Variants in GNAI1 observed in about 807,000 individuals in gnomAD.
The protein encoded by GNAI1 is guanine nucleotide-binding protein G(i) subunit alpha-1.
In GNAI1, 11 loss-of-function variants were observed where a neutral mutation model predicts 38.9. The ratio of observed to expected loss-of-function variants is 0.28; its 90% confidence interval spans 0.18 to 0.47. The LOEUF (loss-of-function observed/expected upper bound fraction) is 0.47, where lower values mean the gene tolerates loss of function less well. GNAI1 is among the 20% of genes least tolerant of loss of function. The pLI is 0.99. For missense variants in GNAI1, 317 were observed against 436.9 expected (o/e 0.73, Z 2.45); for synonymous variants, 166 against 145.1 (o/e 1.14, Z -1.04).
Position 80,221,551 on chromosome 7 carries a change from CTAAT to C in GNAI1, c.*4059_*4062del, listed in dbSNP as rs1789074340. On this transcript the variant is annotated 3_prime_UTR_variant, in exon 8 of 8. Transcript: ENST00000649796. ...ACTGGAAAATGAGAAAATGCAATCT[CTAAT>C]CAACTTGAGGACACTTCTGTCGTTT... Among the ~76,000 whole-genome samples, 3 of 150,590 alleles carry C rather than the reference CTAAT, an allele frequency of 2.0e-5. 1 individual carries two copies. In the South Asian group the frequency reaches 6.3e-4, roughly 31 times the overall value.
intron 1 of GNAI1, among the ~76,000 whole-genome samples, chr7:80,142,621 A>G (rs1787546560): frequency 1.3e-5 from 2 of 152,230 alleles, no homozygotes; most frequent in South Asian, 4.1e-4. Context: ...ATTGTTGGTT[A>G]AATTAATGGA....
At chr7:80,187,210 T>A (rs1178737427) in intron 1 of GNAI1, 1 of 1,158 alleles carries the variant, frequency 8.6e-4, no homozygotes, top group African/African-American at 3.0e-3. Context: ...TGTGTGTCTT[T>A]GTGTGTGTGT....
At chr7:80,153,687 G>GAA (rs1787767119) in intron 1 of GNAI1, among the ~76,000 whole-genome samples, 1 of 152,092 alleles carries the variant, frequency 6.6e-6, no homozygotes, top group Non-Finnish European at 1.5e-5. Flanking sequence ...TCATCAAGAA[G>GAA]GTTTACATCC....
chr7:80,196,490 T>C (rs777194428), intron 3 of GNAI1, among the ~76,000 whole-genome samples: 10 of 152,000 alleles, frequency 6.6e-5, no homozygotes, highest in Non-Finnish European at 1.0e-4. Context: ...TCACAAATTT[T>C]GCAAAGACCT....
At chr7:80,135,916 A>G in intron 1 of GNAI1, 2 of 985,398 alleles carry the variant, frequency 2.0e-6, no homozygotes, top group Non-Finnish European at 2.4e-6. Context: ...CTGTGGGGGC[A>G]TGGAAGCCAC....
intron 1 of GNAI1, among the ~76,000 whole-genome samples, chr7:80,162,521 A>T (rs1057134838): frequency 6.6e-6 from 1 of 152,232 alleles, no homozygotes; most frequent in East Asian, 1.9e-4. Context: ...GAACTATCCT[A>T]CATCTTTACG....
intron 1 of GNAI1, among the ~76,000 whole-genome samples, chr7:80,142,466 CCCTT>C (rs1353945655): frequency 2.0e-5 from 3 of 152,264 alleles, no homozygotes; most frequent in Non-Finnish European, 2.9e-5. Flanking sequence ...TCCTTCGTCT[CCCTT>C]CCTACTAATA....
chr7:80,141,036 C>G (rs1043541214), intron 1 of GNAI1, among the ~76,000 whole-genome samples: 1 of 152,096 alleles, frequency 6.6e-6, no homozygotes, highest in African/African-American at 2.4e-5. Flanking sequence ...TTGGAAGGAC[C>G]CTTGTAATTA....
chr7:80,191,208 T>C (rs1201886549), intron 3 of GNAI1, among the ~76,000 whole-genome samples: 1 of 152,118 alleles, frequency 6.6e-6, no homozygotes, highest in Non-Finnish European at 1.5e-5. Flanking sequence ...TACCTATCTT[T>C]ACGTAAGCTT....
chr7:80,155,041 C>T (rs550193916), intron 1 of GNAI1, among the ~76,000 whole-genome samples: 1 of 152,016 alleles, frequency 6.6e-6, no homozygotes. Context: ...TTATTTTTTC[C>T]ATTATAGCCT....
intron 3 of GNAI1, among the ~76,000 whole-genome samples, chr7:80,192,050 C>T (rs949955244): frequency 6.6e-6 from 1 of 152,132 alleles, no homozygotes; most frequent in African/African-American, 2.4e-5. Flanking sequence ...CAATTACTTA[C>T]CTTTTCACAT....
At chr7:80,186,679 A>G (rs1788391175) in intron 1 of GNAI1, among the ~76,000 whole-genome samples, 1 of 152,156 alleles carries the variant, frequency 6.6e-6, no homozygotes, top group Non-Finnish European at 1.5e-5. Context: ...GTGGCTATTC[A>G]TCAAAGTTCA....
chr7:80,204,867 T>C (rs1267988119), intron 5 of GNAI1, among the ~76,000 whole-genome samples: 2 of 152,220 alleles, frequency 1.3e-5, no homozygotes, highest in African/African-American at 4.8e-5. Context: ...ACAAAACTTC[T>C]GTATTTTCAT....
chr7:80,153,829 A>G (rs1411393474), intron 1 of GNAI1, among the ~76,000 whole-genome samples: 1 of 152,192 alleles, frequency 6.6e-6, no homozygotes, highest in Non-Finnish European at 1.5e-5. Flanking sequence ...TTCCTTGAGC[A>G]TAACTCCTAG....
chr7:80,141,371 C>T (rs937666004), intron 1 of GNAI1, among the ~76,000 whole-genome samples: 10 of 152,186 alleles, frequency 6.6e-5, no homozygotes, highest in Non-Finnish European at 1.3e-4. Flanking sequence ...CATACTGGGA[C>T]AAAATTCCTG....
chr7:80,175,785 T>C (rs1204657910), intron 1 of GNAI1, among the ~76,000 whole-genome samples: 1 of 152,156 alleles, frequency 6.6e-6, no homozygotes, highest in East Asian at 1.9e-4. Context: ...TTAATAAATA[T>C]ATGTGTTCTC....
rs1483545128 is a variant in GNAI1 at position 80,217,890 on chromosome 7, A to G, written c.*397A>G. The G allele has an allele frequency of 6.6e-6, 1 of 152,572 alleles. No individual in the cohort carries two copies. Among genetic ancestry groups the G allele is most frequent in the Non-Finnish European group, 1.5e-5 (1 of 68,442 alleles). 9.5% of individuals were successfully genotyped at this position (152,572 alleles called of 1,614,324 possible). ...ATAAATATACCTTGTACTGAATGAC[A>G]GACTATTACTACGTTTGCCAGTTTT... On this transcript the variant is annotated 3_prime_UTR_variant, in exon 8 of 8. Transcript: ENST00000649796.
At chr7:80,199,415 A>G in intron 4 of GNAI1, 33 bp downstream of exon 4, 1 of 1,479,710 alleles carries the variant, frequency 6.8e-7, no homozygotes, top group Non-Finnish European at 9.2e-7. Flanking sequence ...CTAAACTATC[A>G]TGAATAATTA....
chr7:80,135,194 G>T lies in GNAI1; in HGVS notation c.34G>T (p.Ala12Ser). ...GCTLSAEDKA[A>S]VERSKMIDRN... ...CACGCTGAGCGCCGAGGACAAGGCG[G>T]CGGTGGAGCGGAGTAAGATGATCGA... Residue 12 changes from alanine (A) to serine (S), a missense_variant, in exon 1 of 8, where the codon GCG (alanine) becomes TCG (serine). Coordinates refer to ENST00000649796, the MANE Select transcript of GNAI1 (RefSeq NM_002069.6). The T allele has an allele frequency of 6.4e-7, 1 of 1,553,592 alleles. No individual in the cohort carries two copies. Among genetic ancestry groups the T allele is most frequent in the Non-Finnish European group, 8.7e-7 (1 of 1,150,794 alleles).
Sources: allele counts gnomAD v4.1 joint callset (sites outside exome capture counted in the v4.1 genomes callset), GRCh38; gene constraint gnomAD v4.1.1; transcripts MANE v1.5; gene names NCBI Gene and HGNC (gene_info 2026-07-23, HGNC 2026-07-21).